CSMD3: variants seen among roughly 807,000 people sequenced by gnomAD.
CSMD3 encodes the protein CUB and sushi domain-containing protein 3.
In CSMD3, 177 loss-of-function variants were observed where a neutral mutation model predicts 435.2. The observed-to-expected ratio is 0.41, with a 90% CI of 0.36 to 0.46. The LOEUF (loss-of-function observed/expected upper bound fraction) is 0.46, where lower values mean the gene tolerates loss of function less well. Ranked by LOEUF, CSMD3 falls within the 20% of genes least tolerant of loss-of-function variation. The probability of loss-of-function intolerance (pLI) is 0.34; values close to 1 mark genes in which losing one functional copy is unlikely to be tolerated. For missense variants in CSMD3, 4,265 were observed against 4,504.6 expected, an observed-to-expected ratio of 0.95 and a Z score of 1.52; for synonymous variants, 1,656 against 1,520.5, an observed-to-expected ratio of 1.09 and a Z score of -2.07.
At chr8:112,327,290 G>A (rs1169499885) in intron 45 of CSMD3, among the ~76,000 whole-genome samples, 1 of 151,900 alleles carries the variant, frequency 6.6e-6, no homozygotes, top group Non-Finnish European at 1.5e-5. Context: ...AAACAGGTCT[G>A]GTACAAATAT....
At chr8:112,383,748 G>T (rs907810846) in intron 36 of CSMD3, 85 bp from the exon 37 acceptor site, 1 of 879,812 alleles carries the variant, frequency 1.1e-6, no homozygotes. Flanking sequence ...TTGGAAAAGA[G>T]AGTTCAAATC....
chr8:112,376,879 G>C (rs1828993244), intron 38 of CSMD3, among the ~76,000 whole-genome samples: 1 of 152,098 alleles, frequency 6.6e-6, no homozygotes. Flanking sequence ...TGCTATGAAA[G>C]ATTTTTGTCT....
chr8:112,331,857 T>A, intron 45 of CSMD3, among the ~76,000 whole-genome samples: 1 of 152,090 alleles, frequency 6.6e-6, no homozygotes, highest in East Asian at 1.9e-4. Flanking sequence ...ATACTTGGTT[T>A]ATTTATCAAA....
At chr8:112,281,569 T>A (rs1024650174) in intron 58 of CSMD3, among the ~76,000 whole-genome samples, 1 of 152,096 alleles carries the variant, frequency 6.6e-6, no homozygotes, top group Non-Finnish European at 1.5e-5. Context: ...TTCTTAAGAC[T>A]TTTTTTAGCA....
chr8:113,108,858 G>A (rs2090558310), intron 4 of CSMD3, among the ~76,000 whole-genome samples: 1 of 152,184 alleles, frequency 6.6e-6, no homozygotes, highest in Admixed American at 6.5e-5. Flanking sequence ...TGAATATGCT[G>A]TCTCCCAAAT....
chr8:113,420,146 AT>A (rs1212085635), intron 1 of CSMD3, among the ~76,000 whole-genome samples: 1 of 152,150 alleles, frequency 6.6e-6, no homozygotes, highest in Non-Finnish European at 1.5e-5. Context: ...TTACATAAAC[AT>A]TTTTTAAAAA....
At chr8:112,250,020 A>G (rs969842671) in intron 63 of CSMD3, among the ~76,000 whole-genome samples, 4 of 152,070 alleles carry the variant, frequency 2.6e-5, no homozygotes, top group African/African-American at 7.2e-5. Flanking sequence ...AAATTACTTG[A>G]TTACTTAACT....
At chr8:112,390,894 C>A (rs1830357804) in intron 35 of CSMD3, 106 bp from the exon 36 acceptor site, 1 of 1,050,624 alleles carries the variant, frequency 9.5e-7, no homozygotes, top group South Asian at 1.4e-5. Context: ...ACTTGCAAAT[C>A]AAATCATACT....
chr8:112,332,149 C>G (rs1361139025), intron 45 of CSMD3, among the ~76,000 whole-genome samples: 1 of 151,932 alleles, frequency 6.6e-6, no homozygotes, highest in Non-Finnish European at 1.5e-5. Context: ...AGGATAAGAA[C>G]AAGAAATTTG....
Position 112,281,338 on chromosome 8 carries a change from C to A in CSMD3, c.9344G>T (p.Gly3115Val). ...CCCATTGGCTGTGGTTCCTGGGTTA[C>A]CACACTGCACAGCTATAAAACAAAG... ...RQPECKAVQC[G>V]NPGTTANGKV... The change falls in exon 59 of 71, where the codon GGT (glycine) becomes GTT (valine). Residue 3115 changes from glycine to valine, a missense_variant. This residue lies in a region of CSMD3 where 3,255 missense variants were observed against 3,380.2 expected (regional missense o/e 0.96). Transcript: ENST00000297405. The A allele has an allele frequency of 6.2e-7, 1 of 1,612,500 alleles. No individual in the cohort carries two copies. Among genetic ancestry groups the A allele is most frequent in the Non-Finnish European group, 8.5e-7 (1 of 1,178,892 alleles).
chr8:112,320,804 C>T (rs931262335), intron 45 of CSMD3, among the ~76,000 whole-genome samples: 1 of 152,072 alleles, frequency 6.6e-6, no homozygotes, highest in Non-Finnish European at 1.5e-5. Flanking sequence ...GAAGCTATAA[C>T]GTGACAGAGC....
At position 112,304,756 on chromosome 8, in the gene CSMD3, G is replaced by A. The variant is rs2130776994; in HGVS notation, c.8231C>T (p.Thr2744Ile). The A allele has an allele frequency of 1.2e-6, 2 of 1,613,654 alleles. No individual in the cohort carries two copies. The highest frequency in any genetic ancestry group is 1.7e-6 in the Non-Finnish European group (2 of 1,179,648). The change falls in exon 52 of 71, where the codon ACT becomes ATT. Residue 2744 changes from threonine (T) to isoleucine (I), a missense_variant. By Grantham distance (89) the Thr-to-Ile change is moderately conservative (BLOSUM62 -1). Coordinates refer to ENST00000297405, the MANE Select transcript of CSMD3 (RefSeq NM_198123.2). ...PASIECLPNG[T>I]WSWRNERPYC... is the part of the protein sequence containing the mutation. ...TGGTCTTTCATTTCTCCAACTCCAA[G>A]TACCATTAGGAAGACATTCGATGGA...
intron 13 of CSMD3, among the ~76,000 whole-genome samples, chr8:112,691,185 AT>A (rs1239632998): frequency 6.6e-6 from 1 of 152,130 alleles, no homozygotes; most frequent in Non-Finnish European, 1.5e-5. Flanking sequence ...TGTTTTAGAG[AT>A]ACTATTGAAC....
At chr8:112,253,696 C>T (rs1193868461) in intron 63 of CSMD3, among the ~76,000 whole-genome samples, 2 of 152,126 alleles carry the variant, frequency 1.3e-5, no homozygotes, top group Admixed American at 6.6e-5. Context: ...GTCAGCCACA[C>T]ATGACTGGGC....
At chr8:112,952,431 C>T (rs2083853537) in intron 8 of CSMD3, among the ~76,000 whole-genome samples, 1 of 151,414 alleles carries the variant, frequency 6.6e-6, no homozygotes, top group African/African-American at 2.4e-5. Context: ...CAGATAAAAA[C>T]TTTCTTTTTA....
At chr8:113,111,764 C>G (rs913982372) in intron 4 of CSMD3, among the ~76,000 whole-genome samples, 1 of 152,068 alleles carries the variant, frequency 6.6e-6, no homozygotes, top group Non-Finnish European at 1.5e-5. Context: ...TCACTGCAGC[C>G]TCTGCTTCCG....
At chr8:112,252,207 G>A (rs918308156) in intron 63 of CSMD3, among the ~76,000 whole-genome samples, 2 of 151,838 alleles carry the variant, frequency 1.3e-5, no homozygotes, top group African/African-American at 4.8e-5. Flanking sequence ...GCCACCTAAT[G>A]AAACCAACAT....
intron 13 of CSMD3, among the ~76,000 whole-genome samples, chr8:112,758,306 C>T (rs985762841): frequency 2.0e-5 from 3 of 150,748 alleles, no homozygotes; most frequent in Admixed American, 6.6e-5. Context: ...GAGCAGGGAT[C>T]GCGCCACTGT....
chr8:112,932,564 G>T (rs75233071), intron 9 of CSMD3, among the ~76,000 whole-genome samples: 3 of 152,206 alleles, frequency 2.0e-5, no homozygotes, highest in African/African-American at 7.2e-5. Flanking sequence ...CATGAACCCA[G>T]AAGGCGGAGC....
Sources: allele counts gnomAD v4.1 joint callset (sites outside exome capture counted in the v4.1 genomes callset), GRCh38; gene constraint gnomAD v4.1.1; regional missense constraint gnomAD v4.1.1; transcripts MANE v1.5; gene names NCBI Gene and HGNC (gene_info 2026-07-23, HGNC 2026-07-21).